DIP2C: variants seen among roughly 807,000 people sequenced by gnomAD.
DIP2C encodes disco-interacting protein 2 homolog C.
In DIP2C, 33 loss-of-function variants were observed where a neutral mutation model predicts 192.4. The ratio of observed to expected loss-of-function variants is 0.17; its 90% CI spans 0.13 to 0.23. DIP2C has a LOEUF of 0.23. Ranked by LOEUF, DIP2C falls within the 10% of genes least tolerant of loss-of-function variation. The probability of loss-of-function intolerance (pLI) is 1.00; values close to 1 mark genes in which losing one functional copy is unlikely to be tolerated. For synonymous variants in DIP2C, 979 were observed against 864.1 expected (o/e 1.13, Z -2.33); for missense variants, 1,537 against 2,110.1 (o/e 0.73, Z 5.32).
At chr10:390,885 G>T in intron 10 of DIP2C, 22 bp from the exon 11 acceptor site, 1 of 1,612,862 alleles carries the variant, frequency 6.2e-7, no homozygotes, top group South Asian at 1.1e-5. Context: ...ACAGAGAGGA[G>T]TTGAGAATCC....
intron 1 of DIP2C, among the ~76,000 whole-genome samples, chr10:507,786 C>G (rs1327446166): frequency 1.3e-5 from 2 of 152,348 alleles, no homozygotes; most frequent in South Asian, 2.1e-4. Flanking sequence ...ATGTCCCACC[C>G]CATCTGTGAA....
chr10:641,047 T>C (rs1855168156), intron 1 of DIP2C, among the ~76,000 whole-genome samples: 1 of 152,050 alleles, frequency 6.6e-6, no homozygotes, highest in Admixed American at 6.5e-5. Flanking sequence ...ACATGGCATC[T>C]GGCACATTGA....
chr10:639,710 T>TC (rs1159113928), intron 1 of DIP2C, among the ~76,000 whole-genome samples: 1 of 152,226 alleles, frequency 6.6e-6, no homozygotes, highest in African/African-American at 2.4e-5. Flanking sequence ...GTCTTTCATG[T>TC]CCACTGCCTC....
chr10:610,969 GTGAC>G (rs1488793728), intron 1 of DIP2C, among the ~76,000 whole-genome samples: 8 of 148,478 alleles, frequency 5.4e-5, no homozygotes, highest in Non-Finnish European at 1.0e-4. Context: ...CTGGTGGGAG[GTGAC>G]TGACTCACGG....
Position 557,196 on chromosome 10 carries a change from G to A in DIP2C, c.86-70666C>T, listed in dbSNP as rs182362912. Among the ~76,000 whole-genome samples the A allele has an allele frequency of 2.2e-3, 329 of 152,344 alleles. 2 individuals are homozygous for A. The highest frequency in any genetic ancestry group is 3.4e-3 in the Non-Finnish European group (231 of 68,034). On this transcript the variant is annotated intron_variant, in intron 1 of 36. Coordinates refer to ENST00000280886, the MANE Select transcript of DIP2C (RefSeq NM_014974.3). The stretch of plus-strand genomic sequence containing the variant: ...GATGTGCCTGGCAGCCCCACAGAGG[G>A]ACCGGTGTGGAGGACCAGGCCTCCG...
chr10:492,350 T>TGC (rs1844508364), intron 1 of DIP2C, among the ~76,000 whole-genome samples: 1 of 152,206 alleles, frequency 6.6e-6, no homozygotes, highest in Non-Finnish European at 1.5e-5. Context: ...TGGCCACCCG[T>TGC]GCTCTGCCAT....
intron 30 of DIP2C, among the ~76,000 whole-genome samples, chr10:328,087 C>G (rs895638247): frequency 6.6e-6 from 1 of 152,168 alleles, no homozygotes; most frequent in African/African-American, 2.4e-5. Context: ...CCCTGCGAAC[C>G]CTTTCAAGGC....
chr10:538,799 A>G (rs566980832), intron 1 of DIP2C, among the ~76,000 whole-genome samples: 3 of 152,256 alleles, frequency 2.0e-5, no homozygotes, highest in Non-Finnish European at 4.4e-5. Context: ...ATTCTAAATT[A>G]TATCAAAAAA....
chr10:483,819 C>G (rs887708662), intron 2 of DIP2C, among the ~76,000 whole-genome samples: 5 of 151,872 alleles, frequency 3.3e-5, no homozygotes, highest in South Asian at 4.2e-4. Flanking sequence ...CTTCATTTTA[C>G]CAATTTTTTT....
At chr10:558,695 T>TA (rs1454594139) in intron 1 of DIP2C, among the ~76,000 whole-genome samples, 6 of 152,214 alleles carry the variant, frequency 3.9e-5, no homozygotes, top group Non-Finnish European at 5.9e-5. Context: ...TCAGACACTG[T>TA]AACATGCTTA....
intron 3 of DIP2C, among the ~76,000 whole-genome samples, chr10:463,578 A>C (rs1969964680): frequency 6.6e-6 from 1 of 152,252 alleles, no homozygotes; most frequent in African/African-American, 2.4e-5. Context: ...AAAGTAATTT[A>C]TAAATTCAAT....
At chr10:554,929 A>C (rs796070206) in intron 1 of DIP2C, among the ~76,000 whole-genome samples, 1 of 152,112 alleles carries the variant, frequency 6.6e-6, no homozygotes, top group East Asian at 1.9e-4. Flanking sequence ...GGAGATGACC[A>C]CTTCTCTCTG....
intron 36 of DIP2C, 65 bp downstream of exon 36, chr10:281,135 C>T: frequency 6.3e-7 from 1 of 1,595,594 alleles, no homozygotes; most frequent in Non-Finnish European, 8.6e-7. Flanking sequence ...CCGTGCTCTC[C>T]ACATTCTCAA....
At chr10:476,670 C>CCT (rs1564760136) in intron 2 of DIP2C, among the ~76,000 whole-genome samples, 1 of 152,206 alleles carries the variant, frequency 6.6e-6, no homozygotes, top group East Asian at 1.9e-4. Flanking sequence ...CCCTCCACAC[C>CCT]CTCTCCTGAG....
At chr10:397,770 T>C (rs768168865) in intron 10 of DIP2C, among the ~76,000 whole-genome samples, 14 of 152,340 alleles carry the variant, frequency 9.2e-5, no homozygotes, top group South Asian at 4.1e-4. Flanking sequence ...AAACCTTACA[T>C]TGGTATGAGC....
chr10:334,304 CAA>C (rs35031456), intron 29 of DIP2C, among the ~76,000 whole-genome samples: 5 of 82,408 alleles, frequency 6.1e-5, no homozygotes, highest in African/African-American at 2.1e-4. Context: ...AAGACTGTCT[CAA>C]AAAAAAAAAA....
Position 636,863 on chromosome 10 carries a change from A to T in DIP2C, c.85+52631T>A, listed in dbSNP as rs1479822193. On this transcript the variant is annotated intron_variant, in intron 1 of 36. Transcript: ENST00000280886. This position sits in a 1 kb window ranked among gnomAD's most constrained non-coding sequence, Gnocchi z 4.6. ...TCGAGGCGCAATCACCTTCCGTCAT[A>T]CACTTCTCAGCAGCTTCCCGGTGAG... 6.6e-6 allele frequency among the ~76,000 whole-genome samples: 1 copy of T among 152,170 alleles called. No individual in the cohort carries two copies. The highest frequency in any genetic ancestry group is 1.5e-5 in the Non-Finnish European group (1 of 68,032).
chr10:441,365 C>T (rs935015484), intron 3 of DIP2C, among the ~76,000 whole-genome samples: 2 of 141,086 alleles, frequency 1.4e-5, no homozygotes, highest in African/African-American at 6.5e-5. Flanking sequence ...GCCTCGCACC[C>T]CAACTCACAG....
chr10:639,497 A>G (rs1424821433), intron 1 of DIP2C, among the ~76,000 whole-genome samples: 1 of 149,946 alleles, frequency 6.7e-6, no homozygotes, highest in Non-Finnish European at 1.5e-5. Flanking sequence ...TCAGGCTGTC[A>G]GGGTGCTGCC....
Sources: allele counts gnomAD v4.1 joint callset (sites outside exome capture counted in the v4.1 genomes callset), GRCh38; gene constraint gnomAD v4.1.1; non-coding constraint Gnocchi (gnomAD v3.1); transcripts MANE v1.5; gene names NCBI Gene and HGNC (gene_info 2026-07-23, HGNC 2026-07-21).